MBD5: variants seen among roughly 807,000 people sequenced by gnomAD.
The protein encoded by MBD5 is methyl-CpG binding domain protein 5.
In MBD5, 13 loss-of-function variants were observed where a neutral mutation model predicts 117.3. The observed-to-expected ratio is 0.11, with a 90% CI of 0.07 to 0.18. The LOEUF (loss-of-function observed/expected upper bound fraction) is 0.18, where lower values mean the gene tolerates loss of function less well. Among genes scored for constraint, MBD5 ranks in the 10% least tolerant of loss-of-function variants. The pLI is 1.00. For missense variants in MBD5, 1,879 were observed against 2,093.8 expected, an observed-to-expected ratio of 0.90 and a Z score of 2.00; for synonymous variants, 727 against 766.4, an observed-to-expected ratio of 0.95 and a Z score of 0.85.
intron 2 of MBD5, among the ~76,000 whole-genome samples, chr2:148,195,032 ACT>A (rs1337703238): frequency 6.6e-6 from 1 of 152,076 alleles, no homozygotes; most frequent in African/African-American, 2.4e-5. Flanking sequence ...CAACTACTCA[ACT>A]CTCTTATCAG....
chr2:148,092,490 A>G (rs1472649248), intron 1 of MBD5, among the ~76,000 whole-genome samples: 1 of 152,226 alleles, frequency 6.6e-6, no homozygotes, highest in Non-Finnish European at 1.5e-5. Flanking sequence ...TCAGCCATAA[A>G]AAGGAATGAA....
chr2:148,155,592 G>A (rs1697853621), intron 1 of MBD5, among the ~76,000 whole-genome samples: 1 of 152,092 alleles, frequency 6.6e-6, no homozygotes, highest in African/African-American at 2.4e-5. Flanking sequence ...CTTCATCCTT[G>A]ATACTTTTGC....
chr2:148,066,083 G>A (rs931747898), intron 1 of MBD5, among the ~76,000 whole-genome samples: 3 of 152,160 alleles, frequency 2.0e-5, no homozygotes, highest in Admixed American at 2.0e-4. Flanking sequence ...AGGAGGCAAA[G>A]GGAGGAGGAT....
chr2:148,088,160 G>A (rs1445166211), intron 1 of MBD5, among the ~76,000 whole-genome samples: 1 of 151,842 alleles, frequency 6.6e-6, no homozygotes, highest in African/African-American at 2.4e-5. Context: ...TGAGACAAAG[G>A]CAAAGAAAAA....
intron 1 of MBD5, among the ~76,000 whole-genome samples, chr2:148,174,607 AT>A (rs200957223): frequency 9.9e-5 from 15 of 151,772 alleles, no homozygotes; most frequent in Middle Eastern, 3.4e-3. Flanking sequence ...TAGCAAGAAA[AT>A]TTTAAAAAAA....
At chr2:148,411,303 G>A (rs1705240491) in intron 4 of MBD5, among the ~76,000 whole-genome samples, 1 of 151,834 alleles carries the variant, frequency 6.6e-6, no homozygotes, top group Non-Finnish European at 1.5e-5. Context: ...TTCTGCAATG[G>A]GCATATGCGT....
intron 3 of MBD5, among the ~76,000 whole-genome samples, chr2:148,273,413 C>G (rs1050962445): frequency 6.6e-6 from 1 of 152,144 alleles, no homozygotes; most frequent in Non-Finnish European, 1.5e-5. Context: ...TAACTCCCCA[C>G]TTGCTCCTTA....
intron 4 of MBD5, among the ~76,000 whole-genome samples, chr2:148,358,508 C>T (rs1457788376): frequency 6.6e-6 from 1 of 151,610 alleles, no homozygotes; most frequent in Admixed American, 6.6e-5. Flanking sequence ...TGCAGTGGCT[C>T]ACGCCTGTAA....
chr2:148,453,391 G>T (rs1269823769), intron 4 of MBD5, among the ~76,000 whole-genome samples: 1 of 151,950 alleles, frequency 6.6e-6, no homozygotes, highest in African/African-American at 2.4e-5. Context: ...ATTGTGGCAG[G>T]TATCTCCCTC....
intron 3 of MBD5, among the ~76,000 whole-genome samples, chr2:148,233,927 C>A (rs560636496): frequency 7.1e-4 from 108 of 152,196 alleles, no homozygotes; most frequent in Middle Eastern, 3.4e-3. Context: ...TGTGAAAATT[C>A]TGCATCAAAA....
chr2:148,299,007 T>C (rs1203321156), intron 3 of MBD5, among the ~76,000 whole-genome samples: 1 of 152,164 alleles, frequency 6.6e-6, no homozygotes, highest in Non-Finnish European at 1.5e-5. Flanking sequence ...TTCCCCATCC[T>C]TGATGGTCCC....
Position 148,458,584 on chromosome 2 carries a change from A to G in MBD5, c.-175A>G. ...ATAATGGGAAGCTGATTTTTTTCAC[A>G]ATGGCATATTTCAAGGACTTGGTTC... On this transcript the variant is annotated 5_prime_UTR_variant, in exon 5 of 14. Transcript: ENST00000642680. 1.6e-6 allele frequency: 1 copy of G among 636,576 alleles called. No individual in the cohort carries two copies. The allele number at this position is 636,576 out of a possible 1,614,324, so 39.4% of individuals were successfully genotyped here.
intron 2 of MBD5, among the ~76,000 whole-genome samples, chr2:148,224,572 G>C (rs1456493311): frequency 3.5e-5 from 5 of 141,118 alleles, no homozygotes; most frequent in Middle Eastern, 4.1e-3. Flanking sequence ...TGTTGCCCAG[G>C]CTGGTCTCAA....
At chr2:148,475,563 C>T (rs1680937690) in intron 8 of MBD5, among the ~76,000 whole-genome samples, 2 of 152,026 alleles carry the variant, frequency 1.3e-5, no homozygotes, top group Admixed American at 6.6e-5. Context: ...ATTCAGTGAT[C>T]TATTTTGTAC....
intron 4 of MBD5, among the ~76,000 whole-genome samples, chr2:148,345,374 C>CACATAT (rs978364440): frequency 7.2e-6 from 1 of 138,960 alleles, no homozygotes; most frequent in African/African-American, 2.5e-5. Flanking sequence ...TATACATATA[C>CACATAT]ACATATACAC....
At chr2:148,497,010 TAA>T (rs1284370237) in intron 11 of MBD5, among the ~76,000 whole-genome samples, 4 of 152,036 alleles carry the variant, frequency 2.6e-5, no homozygotes, top group African/African-American at 7.2e-5. Flanking sequence ...ATATTGCACT[TAA>T]GTTAGCAGAA....
chr2:148,289,058 T>G (rs547741068), intron 3 of MBD5, among the ~76,000 whole-genome samples: 64 of 152,356 alleles, frequency 4.2e-4, no homozygotes, highest in Non-Finnish European at 6.9e-4. Context: ...AAATCTCATA[T>G]GGTTATTGAA....
At chr2:148,254,974 A>ATAAC (rs1700549335) in intron 3 of MBD5, among the ~76,000 whole-genome samples, 1 of 152,186 alleles carries the variant, frequency 6.6e-6, no homozygotes, top group Admixed American at 6.5e-5. Flanking sequence ...ATGGAACCCC[A>ATAAC]AGTCTCCAGC....
intron 1 of MBD5, among the ~76,000 whole-genome samples, chr2:148,149,456 G>C (rs1478923207): frequency 6.8e-6 from 1 of 146,570 alleles, no homozygotes; most frequent in African/African-American, 2.5e-5. Context: ...TATATACCCA[G>C]TAATGGGATG....
Sources: allele counts gnomAD v4.1 joint callset (sites outside exome capture counted in the v4.1 genomes callset), GRCh38; gene constraint gnomAD v4.1.1; transcripts MANE v1.5; gene names NCBI Gene and HGNC (gene_info 2026-07-23, HGNC 2026-07-21).